Variants in CHD6 observed in about 807,000 individuals in gnomAD.
CHD6 encodes chromodomain helicase DNA binding protein 6, also known as ATP-dependent chromatin remodeler CHD6.
A neutral mutation model predicts 276.9 loss-of-function variants in CHD6; 50 were observed. That is an observed-to-expected ratio of 0.18 (90% CI 0.14 to 0.23). The LOEUF (loss-of-function observed/expected upper bound fraction) is 0.23. Ranked by LOEUF, CHD6 falls within the 10% of genes least tolerant of loss-of-function variation. The pLI, the probability that CHD6 is intolerant of heterozygous loss-of-function variation, is 1.00. For synonymous variants in CHD6, 1,173 were observed against 1,229.3 expected (o/e 0.95, Z 0.96); for missense variants, 2,564 against 3,365.8 (o/e 0.76, Z 5.89).
chr20:41,517,386 G>A (rs1443020362), intron 3 of CHD6, among the ~76,000 whole-genome samples: 1 of 152,066 alleles, frequency 6.6e-6, no homozygotes, highest in African/African-American at 2.4e-5. Flanking sequence ...CATGACATAA[G>A]TTTACTTATG....
intron 1 of CHD6, among the ~76,000 whole-genome samples, chr20:41,562,494 A>ATT (rs371771565): frequency 0.078 from 11,510 of 148,348 alleles, 790 homozygotes; most frequent in East Asian, 0.32. Flanking sequence ...TGAGGGTTTG[A>ATT]TTTTTTTTTT....
intron 1 of CHD6, among the ~76,000 whole-genome samples, chr20:41,591,677 G>T (rs1270223956): frequency 2.0e-5 from 3 of 150,792 alleles, no homozygotes; most frequent in Non-Finnish European, 4.4e-5. Context: ...TGGGCAACAA[G>T]AATGAAACTC....
intron 32 of CHD6, among the ~76,000 whole-genome samples, 189 bp from the exon 33 acceptor site, chr20:41,416,983 T>C (rs2047019401): frequency 6.6e-6 from 1 of 152,234 alleles, no homozygotes; most frequent in African/African-American, 2.4e-5. Context: ...GCCATCGTAC[T>C]ATAAATAAGA....
intron 17 of CHD6, chr20:41,461,783 A>G (rs2048556721): frequency 6.6e-6 from 1 of 152,392 alleles, no homozygotes; most frequent in African/African-American, 2.4e-5. Flanking sequence ...AATCCTGGTC[A>G]CTTCCGGGGA....
In CHD6 at chr20:41,465,992, C is replaced by T. The variant is rs531065519; in HGVS notation, c.2664+7330G>A. ...GGCTGAGGTGGGTGGATCACAAGGT[C>T]AGGAGTTCAAGACCAGCCTGGCCAA... On this transcript the variant is annotated intron_variant, in intron 17 of 36. Coordinates refer to ENST00000373233, the MANE Select transcript of CHD6 (RefSeq NM_032221.5). Among the ~76,000 whole-genome samples the T allele has an allele frequency of 3.9e-5, 6 of 152,236 alleles. No homozygotes were observed. In the East Asian group the frequency reaches 1.2e-3, roughly 29 times the overall value.
At chr20:41,586,797 T>TCTCAG (rs1371589017) in intron 1 of CHD6, among the ~76,000 whole-genome samples, 2 of 152,104 alleles carry the variant, frequency 1.3e-5, no homozygotes, top group African/African-American at 4.8e-5. Flanking sequence ...TGATAAAAAC[T>TCTCAG]CTCAGCAAAT....
intron 3 of CHD6, among the ~76,000 whole-genome samples, chr20:41,517,062 T>C (rs750403398): frequency 2.4e-4 from 37 of 152,338 alleles, no homozygotes; most frequent in Non-Finnish European, 4.7e-4. Context: ...ACCCTTCATA[T>C]GTCCCTAACC....
At chr20:41,448,305 G>A (rs1477883659) in intron 23 of CHD6, among the ~76,000 whole-genome samples, 21 of 152,170 alleles carry the variant, frequency 1.4e-4, no homozygotes, top group Admixed American at 1.4e-3. Context: ...CTTCCGAGAG[G>A]CCAGCTACTG....
intron 34 of CHD6, chr20:41,414,501 T>C (rs987654829): frequency 5.8e-6 from 1 of 172,956 alleles, no homozygotes; most frequent in African/African-American, 2.4e-5. Flanking sequence ...ATGTGATTCC[T>C]GTTTTGGAGC....
rs529701713 is a variant in CHD6, at chr20:41,437,438, G to C, written c.4008-104C>G. The stretch of plus-strand genomic sequence containing the variant: ...AGTCCAAAAATACTAAGATATTTTG[G>C]GGGAGAGACAGGGCGAGAGAGAGAG... On this transcript the variant is annotated intron_variant, in intron 26 of 36. Coordinates refer to ENST00000373233, the MANE Select transcript of CHD6 (RefSeq NM_032221.5). 6.6e-4 allele frequency: 459 copies of C among 697,268 alleles called. No individual in the cohort carries two copies. The African/African-American group carries it at 6.6e-3, about 10-fold the overall frequency. The allele number at this position is 697,268 out of a possible 1,614,324, so 43.2% of individuals were successfully genotyped here. A position where few individuals can be genotyped will look rare whatever the true frequency, so the allele number is the denominator to read the frequency against.
chr20:41,423,756 T>C, intron 29 of CHD6, 56 bp from the exon 30 acceptor site: 1 of 1,406,842 alleles, frequency 7.1e-7, no homozygotes, highest in Non-Finnish European at 1.0e-6. Context: ...TTAAAGCCAA[T>C]AACTGCTTAT....
In CHD6 at chr20:41,519,390, T is replaced by C. The variant is rs548404023; in HGVS notation, c.555-4438A>G. ...GCAATCTACTTACAGGAATGTAATC[T>C]AAAGATATATCACACGATATAAAAA... On this transcript the variant is annotated intron_variant, in intron 3 of 36. Coordinates refer to ENST00000373233, the MANE Select transcript of CHD6 (RefSeq NM_032221.5). Among the ~76,000 whole-genome samples, 55 of 152,348 alleles carry C rather than the reference T, an allele frequency of 3.6e-4. No individual in the cohort carries two copies. The South Asian group carries it at 0.011, about 32-fold the overall frequency.
At chr20:41,567,376 T>C (rs2045367183) in intron 1 of CHD6, among the ~76,000 whole-genome samples, 2 of 152,244 alleles carry the variant, frequency 1.3e-5, no homozygotes, top group African/African-American at 4.8e-5. Flanking sequence ...TTTATGATTG[T>C]GTACCCCAGG....
intron 1 of CHD6, among the ~76,000 whole-genome samples, chr20:41,610,603 T>C (rs1245831520): frequency 6.6e-6 from 1 of 151,878 alleles, no homozygotes; most frequent in African/African-American, 2.4e-5. Flanking sequence ...CTACTAAAAA[T>C]ACAAAAAATT....
At chr20:41,560,252 AAC>A (rs2045287856) in intron 1 of CHD6, among the ~76,000 whole-genome samples, 1 of 152,176 alleles carries the variant, frequency 6.6e-6, no homozygotes, top group South Asian at 2.1e-4. Context: ...TATTCCTCAT[AAC>A]ACAGAGCCCT....
In CHD6 at chr20:41,533,240, G is replaced by A. The variant is rs140783644; in HGVS notation, c.364C>T (p.Arg122Ter). ...GGTTCCTTTGGCTCTTTCGGTTCTC[G>A]TTTCCTCTTTGGCTTGGGCTCTCTG... ...KDREPKPKRK[R>*]EPKEPKEPRK... Residue 122 changes from arginine (R) to a stop codon, truncating the protein, a stop_gained, in exon 3 of 37, where the codon CGA becomes TGA. Coordinates refer to ENST00000373233, the MANE Select transcript of CHD6 (RefSeq NM_032221.5). LOFTEE classifies it high-confidence loss of function. The A allele has an allele frequency of 1.2e-6, 2 of 1,613,452 alleles. No individual in the cohort carries two copies. Among genetic ancestry groups the A allele is most frequent in the Non-Finnish European group, 1.7e-6 (2 of 1,179,950 alleles).
chr20:41,406,634 T>C (rs1287375023), intron 36 of CHD6, among the ~76,000 whole-genome samples: 1 of 152,194 alleles, frequency 6.6e-6, no homozygotes, highest in Non-Finnish European at 1.5e-5. Flanking sequence ...GATGGATCTT[T>C]CTCTGAATTT....
intron 25 of CHD6, among the ~76,000 whole-genome samples, chr20:41,440,364 C>T (rs562446413): frequency 1.6e-4 from 25 of 152,236 alleles, no homozygotes; most frequent in Admixed American, 5.2e-4. Flanking sequence ...ACTCAGTGTC[C>T]GTGAAAAGAC....
intron 16 of CHD6, among the ~76,000 whole-genome samples, chr20:41,479,115 A>C (rs1488820070): frequency 6.6e-6 from 1 of 152,178 alleles, no homozygotes; most frequent in African/African-American, 2.4e-5. Context: ...GATAAAGAAA[A>C]GTCAGTGAAC....
Sources: allele counts gnomAD v4.1 joint callset (sites outside exome capture counted in the v4.1 genomes callset), GRCh38; gene constraint gnomAD v4.1.1; transcripts MANE v1.5; gene names NCBI Gene and HGNC (gene_info 2026-07-23, HGNC 2026-07-21).